Variants in TGFB3 observed in about 807,000 individuals in gnomAD.
TGFB3 encodes transforming growth factor beta 3, also known as transforming growth factor beta-3 proprotein.
A neutral mutation model predicts 40.1 loss-of-function variants in TGFB3; 5 were observed. The ratio of observed to expected loss-of-function variants is 0.12; its 90% CI spans 0.07 to 0.26. The LOEUF (loss-of-function observed/expected upper bound fraction) is 0.26. Ranked by LOEUF, TGFB3 falls within the 10% of genes least tolerant of loss-of-function variation. The pLI, the probability that TGFB3 is intolerant of heterozygous loss-of-function variation, is 1.00. For synonymous variants in TGFB3, 184 were observed against 205.6 expected (o/e 0.89, Z 0.90); for missense variants, 373 against 530.1 (o/e 0.70, Z 2.91).
chr14:75,974,473 C>G lies in TGFB3; in HGVS notation c.353-2755G>C, dbSNP rs191305956. ...AGGAAGAAATGGCTGTCTAGAGGGT[C>G]TTGGCCAGAGTCACTCAGAAGTTAG... On this transcript the variant is annotated intron_variant, in intron 1 of 6. Transcript: ENST00000238682. 5.3e-5 allele frequency among the ~76,000 whole-genome samples: 8 copies of G among 152,214 alleles called. No individual in the cohort carries two copies. In the East Asian group the frequency reaches 9.7e-4, roughly 18 times the overall value.
chr14:75,974,465 T>TAG (rs2035328910), intron 1 of TGFB3, among the ~76,000 whole-genome samples: 1 of 152,096 alleles, frequency 6.6e-6, no homozygotes, highest in Non-Finnish European at 1.5e-5. Flanking sequence ...AATGGCTGTC[T>TAG]AGAGGGTCTT....
At chr14:75,962,946 T>C (rs1213872866) in intron 5 of TGFB3, 1 of 360,880 alleles carries the variant, frequency 2.8e-6, no homozygotes, top group Non-Finnish European at 5.3e-6. Context: ...ACTTCTTTAA[T>C]GGAAACTCCT....
At position 75,958,964 on chromosome 14, in the gene TGFB3, A is replaced by C. The variant is rs2035119478; in HGVS notation, c.*223T>G. On this transcript the variant is annotated 3_prime_UTR_variant, in exon 7 of 7. Coordinates refer to ENST00000238682, the MANE Select transcript of TGFB3 (RefSeq NM_003239.5). ...AAAGTCTGTGTGTTCTGAAGAGTTC[A>C]GCCTTCCTCTAACCAAACCCACACT... is the stretch of plus-strand genomic sequence containing the variant. 1 of 584,526 alleles carries C rather than the reference A, an allele frequency of 1.7e-6. No homozygotes were observed. Among genetic ancestry groups the C allele is most frequent in the African/African-American group, 1.8e-5 (1 of 54,210 alleles). 36.2% of individuals were successfully genotyped at this position (584,526 alleles called of 1,614,324 possible). A position where few individuals can be genotyped will look rare whatever the true frequency, so the allele number is the denominator to read the frequency against.
intron 3 of TGFB3, chr14:75,970,600 ATAATAATAG>A (rs1313622332): frequency 1.0e-4 from 14 of 137,932 alleles, no homozygotes; most frequent in South Asian, 4.6e-4. Context: ...AATAATAATA[ATAATAATAG>A]TAATAATAAA....
intron 1 of TGFB3, among the ~76,000 whole-genome samples, chr14:75,972,714 T>C (rs2035308392): frequency 6.6e-6 from 1 of 152,098 alleles, no homozygotes; most frequent in African/African-American, 2.4e-5. Flanking sequence ...AAGGGCAAGA[T>C]GATAGATTGG....
chr14:75,977,656 C>CAAAAAAAA (rs1196922250), intron 1 of TGFB3, among the ~76,000 whole-genome samples: 1 of 67,372 alleles, frequency 1.5e-5, no homozygotes, highest in South Asian at 4.4e-4. Flanking sequence ...ATCTCCCGGG[C>CAAAAAAAA]AAAAAAAAAA....
Position 75,959,353 on chromosome 14 carries a change from G to A in TGFB3, c.1081-8C>T, listed in dbSNP as rs773558367. On this transcript the variant is annotated splice_polypyrimidine_tract_variant and splice_region_variant and intron_variant, in intron 6 of 6. Coordinates refer to ENST00000238682, the MANE Select transcript of TGFB3 (RefSeq NM_003239.5). ...GTTGTACAGTCCCAGCACCTGGGAAGGGACATGTCAGTGAGAGGTTGGAAG... is the reference window on the plus strand; with the variant it reads ...GTTGTACAGTCCCAGCACCTGGGAAAGGACATGTCAGTGAGAGGTTGGAAG... The A allele has an allele frequency of 1.9e-6, 3 of 1,613,848 alleles. No individual in the cohort carries two copies. Among genetic ancestry groups the A allele is most frequent in the Admixed American group, 3.3e-5 (2 of 60,000 alleles).
chr14:75,971,640 G>T lies in TGFB3; in HGVS notation c.431C>A (p.Thr144Asn), dbSNP rs1594788076. Residue 144 changes from threonine to asparagine, a missense_variant, in exon 2 of 7, where the codon ACC becomes AAC. Thr to Asn is a moderately conservative substitution (Grantham distance 65). Coordinates refer to ENST00000238682, the MANE Select transcript of TGFB3 (RefSeq NM_003239.5). This position sits in a 1 kb window ranked among gnomAD's most constrained non-coding sequence, Gnocchi z 4.5. ...CCGGAATTCTGCTCGGAATAGGTTG[G>T]TTCTATTTTTCTCCACTGAGGACAC... is the stretch of plus-strand genomic sequence containing the variant. Reference protein sequence around the residue: ...FNVSSVEKNRTNLFRAEFRVL... With the variant: ...FNVSSVEKNRNNLFRAEFRVL... 1 of 1,614,236 alleles carries T rather than the reference G, an allele frequency of 6.2e-7. No individual in the cohort carries two copies.
At position 75,971,086 on chromosome 14, in the gene TGFB3, G is replaced by A; in HGVS notation, c.646+40C>T. 6.2e-7 allele frequency: 1 copy of A among 1,611,804 alleles called. No homozygotes were observed. The highest frequency in any genetic ancestry group is 8.5e-7 in the Non-Finnish European group (1 of 1,179,630). ...CATTTCATGGAGGACTAAGGGACCTGAGGTTCATTCTGAAATGCTTATCTG... is the reference window on the plus strand; with the variant it reads ...CATTTCATGGAGGACTAAGGGACCTAAGGTTCATTCTGAAATGCTTATCTG... On this transcript the variant is annotated intron_variant, in intron 3 of 6. Coordinates refer to ENST00000238682, the MANE Select transcript of TGFB3 (RefSeq NM_003239.5). The surrounding 1 kb of genome is among the most constrained non-coding windows in gnomAD (Gnocchi z 4.5).
intron 1 of TGFB3, among the ~76,000 whole-genome samples, chr14:75,976,391 C>T (rs2035354446): frequency 6.6e-6 from 1 of 152,138 alleles, no homozygotes; most frequent in Non-Finnish European, 1.5e-5. Flanking sequence ...TAATGTGTTG[C>T]AAAGGGCACC....
At chr14:75,974,170 AC>A (rs1030561763) in intron 1 of TGFB3, among the ~76,000 whole-genome samples, 2 of 152,158 alleles carry the variant, frequency 1.3e-5, no homozygotes, top group Admixed American at 1.3e-4. Context: ...GGAAAATGGC[AC>A]TTGCTGGTGA....
intron 3 of TGFB3, among the ~76,000 whole-genome samples, chr14:75,970,320 A>C (rs924223941): frequency 3.3e-5 from 5 of 152,076 alleles, no homozygotes; most frequent in Admixed American, 3.3e-4. Context: ...CACTTTTGGA[A>C]GCCAAAGTGG....
At chr14:75,961,370 C>T (rs1046586352) in intron 5 of TGFB3, among the ~76,000 whole-genome samples, 1 of 152,188 alleles carries the variant, frequency 6.6e-6, no homozygotes, top group African/African-American at 2.4e-5. Flanking sequence ...TGCTATGAAG[C>T]GCTCCACATA....
In TGFB3 at chr14:75,959,931, C is replaced by CTTTTTTT. The variant is rs71122509; in HGVS notation, c.1081-593_1081-587dup. On this transcript the variant is annotated intron_variant, in intron 6 of 6. Coordinates refer to ENST00000238682, the MANE Select transcript of TGFB3 (RefSeq NM_003239.5). ...CTACACTGATAACGAATTATCTTGG[C>CTTTTTTT]TTTTTTTTTTTTTTTTTTTTTTTTT... Among the ~76,000 whole-genome samples the CTTTTTTT allele has an allele frequency of 1.5e-3, 47 of 32,016 alleles. 9 individuals are homozygous for CTTTTTTT. The highest frequency in any genetic ancestry group is 2.2e-3 in the East Asian group (2 of 904). The allele number at this position is 32,016 out of a possible 152,430, so 21.0% of individuals were successfully genotyped here.
intron 1 of TGFB3, among the ~76,000 whole-genome samples, chr14:75,976,068 A>G (rs565593618): frequency 1.1e-3 from 174 of 152,338 alleles, no homozygotes; most frequent in African/African-American, 4.0e-3. Context: ...GCATGGAAAA[A>G]CCAGGAAATA....
Position 75,978,225 on chromosome 14 carries a change from C to G in TGFB3, c.352+2317G>C, listed in dbSNP as rs1479357206. Among the ~76,000 whole-genome samples, 2 of 152,098 alleles carry G rather than the reference C, an allele frequency of 1.3e-5. No individual in the cohort carries two copies. The highest frequency in any genetic ancestry group is 4.8e-5 in the African/African-American group (2 of 41,390). ...CCCAGCAGAGGCTCTGGCATTGAGA[C>G]CCTGCTGTGCCCCACCACAGACCTG... On this transcript the variant is annotated intron_variant, in intron 1 of 6. Transcript: ENST00000238682. This position sits in a 1 kb window ranked among gnomAD's most constrained non-coding sequence, Gnocchi z 5.0.
intron 3 of TGFB3, among the ~76,000 whole-genome samples, chr14:75,969,082 G>C (rs1392060410): frequency 6.6e-6 from 1 of 152,180 alleles, no homozygotes; most frequent in Non-Finnish European, 1.5e-5. Context: ...AAGAAGTCCA[G>C]GTTTTATGTG....
rs2035429466 is a variant in TGFB3, at chr14:75,981,308, A to T, written c.-415T>A. The T allele has an allele frequency of 4.5e-6, 1 of 221,706 alleles. No homozygotes were observed. Among genetic ancestry groups the T allele is most frequent in the African/African-American group, 2.2e-5 (1 of 44,452 alleles). The allele number at this position is 221,706 out of a possible 1,614,324, so 13.7% of individuals were successfully genotyped here. ...TGCCAAACGCCGCTTGGCGATGGGG[A>T]GAAAGTGGGTATTTTAAAGAAGAAG... On this transcript the variant is annotated 5_prime_UTR_variant, in exon 1 of 7. Coordinates refer to ENST00000238682, the MANE Select transcript of TGFB3 (RefSeq NM_003239.5). This position sits in a 1 kb window ranked among gnomAD's most constrained non-coding sequence, Gnocchi z 4.7.
chr14:75,972,529 A>G (rs912899308), intron 1 of TGFB3, among the ~76,000 whole-genome samples: 2 of 152,218 alleles, frequency 1.3e-5, no homozygotes, highest in Non-Finnish European at 2.9e-5. Flanking sequence ...GCTGCAGGAA[A>G]TCAAAGGAGG....
Sources: allele counts gnomAD v4.1 joint callset (sites outside exome capture counted in the v4.1 genomes callset), GRCh38; gene constraint gnomAD v4.1.1; non-coding constraint Gnocchi (gnomAD v3.1); transcripts MANE v1.5; gene names NCBI Gene and HGNC (gene_info 2026-07-23, HGNC 2026-07-21).